The following KCNQ1 variants were observed in gnomAD, a reference collection of about 807,000 sequenced individuals.
KCNQ1 encodes the protein potassium voltage-gated channel subfamily Q member 1.
KCNQ1 carries 49 observed loss-of-function variants against 72.4 expected under a neutral mutation model. That is an observed-to-expected ratio of 0.68 (90% CI 0.54 to 0.86). The LOEUF is 0.86. Among genes scored for constraint, KCNQ1 ranks in the 40% least tolerant of loss-of-function variants. The probability of loss-of-function intolerance (pLI) is 0.00; values close to 1 mark genes in which losing one functional copy is unlikely to be tolerated. For missense variants in KCNQ1, 790 were observed against 945.1 expected, an observed-to-expected ratio of 0.84 and a Z score of 2.15; for synonymous variants, 450 against 412.6, an observed-to-expected ratio of 1.09 and a Z score of -1.10.
intron 11 of KCNQ1, chr11:2,665,369 CA>C: frequency 2.5e-6 from 1 of 398,190 alleles, no homozygotes; most frequent in Non-Finnish European, 4.4e-6. Context: ...ACCCCCATGA[CA>C]AGAGGAGCCC....
At chr11:2,590,667 G>A (rs1429348119) in intron 10 of KCNQ1, among the ~76,000 whole-genome samples, 1 of 152,210 alleles carries the variant, frequency 6.6e-6, no homozygotes, top group African/African-American at 2.4e-5. Flanking sequence ...CCCGGTTTCT[G>A]CTCCTTGAAG....
rs533926232 is a variant in KCNQ1 at position 2,640,300 on chromosome 11, C to G, written c.1394-21661C>G. ...GAAATCACCCATCTTCTGCGTCACT[C>G]ACGCTGGGAGCTATAGACTGGAGCT... is the stretch of plus-strand genomic sequence containing the variant. On this transcript the variant is annotated intron_variant, in intron 10 of 15. Coordinates refer to ENST00000155840, the MANE Select transcript of KCNQ1 (RefSeq NM_000218.3). 32 of 398,288 alleles carry G rather than the reference C, an allele frequency of 8.0e-5. No homozygotes were observed. In the South Asian group the frequency reaches 2.7e-3, roughly 33 times the overall value. 24.7% of individuals were successfully genotyped at this position (398,288 alleles called of 1,614,324 possible).
intron 15 of KCNQ1, among the ~76,000 whole-genome samples, chr11:2,788,523 G>A (rs528888264): frequency 3.9e-5 from 6 of 151,952 alleles, no homozygotes; most frequent in East Asian, 2.0e-4. Flanking sequence ...GCCTCTCCTC[G>A]GCAGCTCCCC....
rs145454932 is a variant in KCNQ1, at chr11:2,618,314, A to C, written c.1393+29460A>C. Reference sequence around the variant, plus strand: ...ATAACAACAGCTGATGGGCTAAAAAAATGCAAAAAAATTCAATGTTTTAAC... The same window carrying C: ...ATAACAACAGCTGATGGGCTAAAAACATGCAAAAAAATTCAATGTTTTAAC... On this transcript the variant is annotated intron_variant, in intron 10 of 15. Coordinates refer to ENST00000155840, the MANE Select transcript of KCNQ1 (RefSeq NM_000218.3). The C allele has an allele frequency of 1.5e-3, 610 of 398,596 alleles. 3 individuals carry two copies. Among genetic ancestry groups the C allele is most frequent in the African/African-American group, 0.011 (540 of 48,750 alleles). The allele number at this position is 398,596 out of a possible 1,614,324, so 24.7% of individuals were successfully genotyped here. A position where few individuals can be genotyped will look rare whatever the true frequency, so the allele number is the denominator to read the frequency against.
At chr11:2,619,063 C>G in intron 10 of KCNQ1, 2 of 398,408 alleles carry the variant, frequency 5.0e-6, no homozygotes, top group Non-Finnish European at 8.8e-6. Flanking sequence ...TTAGTTCTAA[C>G]AGGTTGCTTT....
chr11:2,449,715 CAG>C (rs1036234246), intron 1 of KCNQ1, among the ~76,000 whole-genome samples: 2 of 152,174 alleles, frequency 1.3e-5, no homozygotes, highest in African/African-American at 2.4e-5. Flanking sequence ...GTCAGAGTGA[CAG>C]GGGTTGCCAG....
Position 2,682,744 on chromosome 11 carries a change from C to T in KCNQ1, c.1514+20663C>T. 1 of 398,698 alleles carries T rather than the reference C, an allele frequency of 2.5e-6. No individual in the cohort carries two copies. The highest frequency in any genetic ancestry group is 4.4e-6 in the Non-Finnish European group (1 of 226,102). 24.7% of individuals were successfully genotyped at this position (398,698 alleles called of 1,614,324 possible). ...AAAGAATCTCTTCCCCTTGAGCCCA[C>T]TCATCTCTGTTGACATTCTAGAAAT... is the stretch of plus-strand genomic sequence containing the variant. On this transcript the variant is annotated intron_variant, in intron 11 of 15. Transcript: ENST00000155840. This position sits in a 1 kb window ranked among gnomAD's most constrained non-coding sequence, Gnocchi z 5.8.
intron 1 of KCNQ1, among the ~76,000 whole-genome samples, chr11:2,456,382 C>T (rs559803657): frequency 1.2e-4 from 18 of 152,060 alleles, no homozygotes; most frequent in Non-Finnish European, 2.2e-4. Flanking sequence ...ATAGTCTTCT[C>T]AATATTGGCC....
At position 2,471,871 on chromosome 11, in the gene KCNQ1, GGT is replaced by G. The variant is rs542842296; in HGVS notation, c.386+26395_386+26396del. Among the ~76,000 whole-genome samples, 290 of 150,890 alleles carry G rather than the reference GGT, an allele frequency of 1.9e-3. No homozygotes were observed. The highest frequency in any genetic ancestry group is 6.7e-3 in the African/African-American group (274 of 40,980). ...GTATAGGTGTGTGTGTTTATGTATGGGTGTGTGTGCACATGTGTATAGGTGTG... is the reference window on the plus strand; with the variant it reads ...GTATAGGTGTGTGTGTTTATGTATGGGTGTGTGCACATGTGTATAGGTGTG... On this transcript the variant is annotated intron_variant, in intron 1 of 15. Coordinates refer to ENST00000155840, the MANE Select transcript of KCNQ1 (RefSeq NM_000218.3). The surrounding 1 kb of genome is among the most constrained non-coding windows in gnomAD (Gnocchi z 4.8).
Position 2,631,205 on chromosome 11 carries a change from A to G in KCNQ1, c.1394-30756A>G, listed in dbSNP as rs1849347242. ...CCCTTTACCTCTCTACTTTCCTTCT[A>G]TAAATCCTGTGTGAACATTAACTCT... On this transcript the variant is annotated intron_variant, in intron 10 of 15. Coordinates refer to ENST00000155840, the MANE Select transcript of KCNQ1 (RefSeq NM_000218.3). The G allele has an allele frequency of 1.5e-5, 6 of 398,416 alleles. 1 individual carries two copies. In the South Asian group the frequency reaches 7.6e-4, roughly 51 times the overall value. 24.7% of individuals were successfully genotyped at this position (398,416 alleles called of 1,614,324 possible).
rs2133816859 is a variant in KCNQ1, at chr11:2,631,497, CTCTCTGT to C, written c.1394-30457_1394-30451del. 4 of 286,840 alleles carry C rather than the reference CTCTCTGT, an allele frequency of 1.4e-5. No individual in the cohort carries two copies. The South Asian group carries it at 7.5e-4, about 54-fold the overall frequency. The allele number at this position is 286,840 out of a possible 1,614,324, so 17.8% of individuals were successfully genotyped here. ...TGTATTAATGATTTCATTAGGTTGTCTCTCTGTTCTCTGGTAGCACACTGAACTTCCT... is the reference window on the plus strand; with the variant it reads ...TGTATTAATGATTTCATTAGGTTGTCTCTCTGGTAGCACACTGAACTTCCT... On this transcript the variant is annotated intron_variant, in intron 10 of 15. Transcript: ENST00000155840.
At chr11:2,520,611 C>T (rs1019650698) in intron 1 of KCNQ1, among the ~76,000 whole-genome samples, 4 of 152,124 alleles carry the variant, frequency 2.6e-5, no homozygotes, top group African/African-American at 9.7e-5. Flanking sequence ...GACCTCTGCC[C>T]CTGGGCGTCC....
Position 2,682,642 on chromosome 11 carries a change from C to T in KCNQ1, c.1514+20561C>T. The T allele has an allele frequency of 2.5e-6, 1 of 398,662 alleles. No homozygotes were observed. Among genetic ancestry groups the T allele is most frequent in the Non-Finnish European group, 4.4e-6 (1 of 226,104 alleles). The allele number at this position is 398,662 out of a possible 1,614,324, so 24.7% of individuals were successfully genotyped here. A position where few individuals can be genotyped will look rare whatever the true frequency, so the allele number is the denominator to read the frequency against. On this transcript the variant is annotated intron_variant, in intron 11 of 15. Coordinates refer to ENST00000155840, the MANE Select transcript of KCNQ1 (RefSeq NM_000218.3). This position sits in a 1 kb window ranked among gnomAD's most constrained non-coding sequence, Gnocchi z 5.8. ...TCTTCTTCAGGCTCAGTCATCCCTG[C>T]TTCCCCAGGGCTCATGTCCACATGC...
At chr11:2,539,463 C>T (rs572702869) in intron 2 of KCNQ1, among the ~76,000 whole-genome samples, 114 of 152,298 alleles carry the variant, frequency 7.5e-4, no homozygotes, top group Non-Finnish European at 1.5e-3. Context: ...GACATCTTTG[C>T]GGGAGCTCTG....
chr11:2,558,206 T>TA (rs1848100191), intron 2 of KCNQ1, among the ~76,000 whole-genome samples: 1 of 152,236 alleles, frequency 6.6e-6, no homozygotes, highest in African/African-American at 2.4e-5. Context: ...GTAGATGCTT[T>TA]TATTTTGTAA....
intron 2 of KCNQ1, among the ~76,000 whole-genome samples, chr11:2,546,181 A>T (rs1847900447): frequency 6.6e-6 from 1 of 152,106 alleles, no homozygotes; most frequent in South Asian, 2.1e-4. Flanking sequence ...AATATTTTCT[A>T]ATTTCCTTTT....
chr11:2,773,322 C>T (rs912764376), intron 12 of KCNQ1, among the ~76,000 whole-genome samples: 17 of 151,470 alleles, frequency 1.1e-4, no homozygotes, highest in Admixed American at 1.1e-3. Context: ...CTCAGCAACT[C>T]ATCTTACAGA....
rs1295566191 is a variant in KCNQ1, at chr11:2,491,034, G to A, written c.387-36894G>A. On this transcript the variant is annotated intron_variant, in intron 1 of 15. Transcript: ENST00000155840. The surrounding 1 kb of genome is among the most constrained non-coding windows in gnomAD (Gnocchi z 4.1). ...AGGCAGTATTTTTATGAGTCTGCAAGAACCACAGTGTTACTGGGCTTGGGA... is the reference window on the plus strand; with the variant it reads ...AGGCAGTATTTTTATGAGTCTGCAAAAACCACAGTGTTACTGGGCTTGGGA... Among the ~76,000 whole-genome samples, 1 of 152,168 alleles carries A rather than the reference G, an allele frequency of 6.6e-6. No homozygotes were observed. Among genetic ancestry groups the A allele is most frequent in the Non-Finnish European group, 1.5e-5 (1 of 68,034 alleles).
Position 2,659,175 on chromosome 11 carries a change from G to T in KCNQ1, c.1394-2786G>T. 2 of 398,580 alleles carry T rather than the reference G, an allele frequency of 5.0e-6. No individual in the cohort carries two copies. The highest frequency in any genetic ancestry group is 8.8e-5 in the Admixed American group (2 of 22,740). 24.7% of individuals were successfully genotyped at this position (398,580 alleles called of 1,614,324 possible). ...TTCAGTTCTGTGGGTTTTGACAGAT[G>T]TCTGGAGTCATGTGTCCACAATCCA... On this transcript the variant is annotated intron_variant, in intron 10 of 15. Transcript: ENST00000155840. The surrounding 1 kb of genome is among the most constrained non-coding windows in gnomAD (Gnocchi z 4.3).
Sources: gnomAD v4.1 joint callset for allele counts (sites outside exome capture counted in the v4.1 genomes callset) on GRCh38, gnomAD v4.1.1 for gene constraint, Gnocchi (gnomAD v3.1) non-coding constraint, MANE v1.5 for transcripts, NCBI Gene and HGNC (gene_info 2026-07-23, HGNC 2026-07-21) for gene names.